The following CPS1 variants were observed in gnomAD, a reference collection of about 807,000 sequenced individuals.
The protein encoded by CPS1 is carbamoyl-phosphate synthase [ammonia], mitochondrial.
Under a neutral mutation model 174.6 loss-of-function variants are expected in CPS1, and 109 were observed. That is an observed-to-expected ratio of 0.62 (90% CI 0.53 to 0.73). The LOEUF (loss-of-function observed/expected upper bound fraction) is 0.73, where lower values mean the gene tolerates loss of function less well. CPS1 is among the 30% of genes least tolerant of loss of function. The pLI, the probability that CPS1 is intolerant of heterozygous loss-of-function variation, is 0.00. For synonymous variants in CPS1, 637 were observed against 632.0 expected, an observed-to-expected ratio of 1.01 and a Z score of -0.12; for missense variants, 1,689 against 1,821.9, an observed-to-expected ratio of 0.93 and a Z score of 1.33.
chr2:210,602,708 A>C (rs1440887153), intron 16 of CPS1, among the ~76,000 whole-genome samples: 1 of 151,976 alleles, frequency 6.6e-6, no homozygotes, highest in African/African-American at 2.4e-5. Context: ...AATAGGACAT[A>C]ATGTCTCATT....
intron 1 of CPS1, among the ~76,000 whole-genome samples, chr2:210,560,630 T>C (rs1179254643): frequency 6.6e-6 from 1 of 152,166 alleles, no homozygotes; most frequent in Non-Finnish European, 1.5e-5. Context: ...AAGGCATTCA[T>C]TTTTAAGATT....
intron 33 of CPS1, 67 bp downstream of exon 33, chr2:210,663,264 G>T: frequency 1.4e-6 from 2 of 1,433,858 alleles, no homozygotes; most frequent in South Asian, 1.2e-5. Context: ...TTTATGATTT[G>T]AATACAGTAA....
chr2:210,560,155 CT>C (rs747368172), intron 1 of CPS1, among the ~76,000 whole-genome samples: 1 of 151,152 alleles, frequency 6.6e-6, no homozygotes, highest in Non-Finnish European at 1.5e-5. Context: ...AGCAAATAAT[CT>C]TTTTTTTTCA....
chr2:210,556,582 AGAAT>A, upstream of CPS1: 1 of 1,486,996 alleles, frequency 6.7e-7, no homozygotes, highest in African/African-American at 1.4e-5. Context: ...ATTTAATGGC[AGAAT>A]GAATGGAAAT....
intron 1 of CPS1, among the ~76,000 whole-genome samples, chr2:210,512,651 G>T (rs148258596): frequency 6.7e-6 from 1 of 148,784 alleles, no homozygotes; most frequent in Non-Finnish European, 1.5e-5. Context: ...ATTCTGAAGA[G>T]TGCTGCAATG....
intron 21 of CPS1, 136 bp downstream of exon 21, chr2:210,616,677 G>A (rs1005175225): frequency 1.0e-5 from 7 of 695,680 alleles, no homozygotes; most frequent in Admixed American, 8.8e-5. Context: ...AATAGTACCC[G>A]TAGCCAGAAG....
At chr2:210,564,326 A>T (rs1449908304) in intron 1 of CPS1, among the ~76,000 whole-genome samples, 1 of 152,204 alleles carries the variant, frequency 6.6e-6, no homozygotes, top group Non-Finnish European at 1.5e-5. Flanking sequence ...CTGTGAAAGA[A>T]ATCTCAGACT....
At chr2:210,585,593 T>C (rs912954704) in intron 6 of CPS1, among the ~76,000 whole-genome samples, 4 of 151,982 alleles carry the variant, frequency 2.6e-5, no homozygotes, top group African/African-American at 4.8e-5. Flanking sequence ...GGATTATACA[T>C]AGGAAGGCTT....
intron 32 of CPS1, among the ~76,000 whole-genome samples, chr2:210,661,347 G>A (rs1362670668): frequency 6.6e-6 from 1 of 152,156 alleles, no homozygotes; most frequent in Non-Finnish European, 1.5e-5. Flanking sequence ...ATGAGGATTA[G>A]TGATATATAA....
At chr2:210,664,134 T>C (rs984697015) in intron 33 of CPS1, among the ~76,000 whole-genome samples, 1 of 152,120 alleles carries the variant, frequency 6.6e-6, no homozygotes, top group African/African-American at 2.4e-5. Context: ...TGCCTCTTTG[T>C]TGCTTCTTTT....
At chr2:210,606,426 G>T (rs1474056234) in intron 17 of CPS1, among the ~76,000 whole-genome samples, 1 of 151,786 alleles carries the variant, frequency 6.6e-6, no homozygotes, top group African/African-American at 2.4e-5. Flanking sequence ...ATGAAAGGAA[G>T]AACTTCAGAA....
At chr2:210,509,450 A>G (rs1464145344) in intron 1 of CPS1, among the ~76,000 whole-genome samples, 3 of 152,226 alleles carry the variant, frequency 2.0e-5, no homozygotes, top group Non-Finnish European at 4.4e-5. Flanking sequence ...AACTGGAAGC[A>G]TTCCCTTTGA....
chr2:210,542,123 C>T (rs1260556992), intron 1 of CPS1, among the ~76,000 whole-genome samples: 1 of 152,078 alleles, frequency 6.6e-6, no homozygotes, highest in Non-Finnish European at 1.5e-5. Flanking sequence ...ATAATCATTC[C>T]TTTCAAGATA....
chr2:210,568,777 G>A (rs1338991673), intron 1 of CPS1, among the ~76,000 whole-genome samples: 5 of 152,014 alleles, frequency 3.3e-5, no homozygotes, highest in South Asian at 2.1e-4. Context: ...TAGAAAAAAC[G>A]TTGCATTAGA....
At chr2:210,576,092 A>G (rs1559084444) in intron 2 of CPS1, among the ~76,000 whole-genome samples, 1 of 152,144 alleles carries the variant, frequency 6.6e-6, no homozygotes, top group African/African-American at 2.4e-5. Flanking sequence ...AAAAATTTAA[A>G]GAAATTGAGG....
intron 21 of CPS1, among the ~76,000 whole-genome samples, chr2:210,621,613 C>A (rs1037014919): frequency 6.6e-6 from 1 of 152,030 alleles, no homozygotes; most frequent in African/African-American, 2.4e-5. Flanking sequence ...AAAAATCTCA[C>A]CTATAGTTCT....
At chr2:210,486,333 T>C (rs929701194) in intron 1 of CPS1, among the ~76,000 whole-genome samples, 1 of 152,202 alleles carries the variant, frequency 6.6e-6, no homozygotes, top group Non-Finnish European at 1.5e-5. Flanking sequence ...ATGTTTTCTC[T>C]TTGGCTTCAG....
At chr2:210,560,257 C>T (rs1044931210) in intron 1 of CPS1, among the ~76,000 whole-genome samples, 1 of 151,872 alleles carries the variant, frequency 6.6e-6, no homozygotes, top group Middle Eastern at 3.2e-3. Context: ...AACACGGAAC[C>T]TCTACCATGG....
At chr2:210,606,045 A>T (rs1698896534) in intron 17 of CPS1, among the ~76,000 whole-genome samples, 4 of 151,972 alleles carry the variant, frequency 2.6e-5, no homozygotes, top group Admixed American at 2.6e-4. Context: ...TGTTTTTGGC[A>T]GTATCAAATG....
Sources: gnomAD v4.1 joint callset for allele counts (sites outside exome capture counted in the v4.1 genomes callset) on GRCh38, gnomAD v4.1.1 for gene constraint, MANE v1.5 for transcripts, NCBI Gene and HGNC (gene_info 2026-07-23, HGNC 2026-07-21) for gene names.